Variants in OR2Z1 observed in about 807,000 individuals in gnomAD.
OR2Z1 encodes olfactory receptor family 2 subfamily Z member 1.
For missense variants in OR2Z1, 449 were observed against 401.8 expected, an observed-to-expected ratio of 1.12 and a Z score of -1.00; for synonymous variants, 188 against 160.6, an observed-to-expected ratio of 1.17 and a Z score of -1.29.
intron 2 of OR2Z1, among the ~76,000 whole-genome samples, chr19:8,726,151 G>C (rs2043326418): frequency 6.6e-6 from 1 of 152,166 alleles, no homozygotes; most frequent in Admixed American, 6.5e-5. Flanking sequence ...ATTTTTAGTA[G>C]AGACAGGGTT....
intron 2 of OR2Z1, among the ~76,000 whole-genome samples, chr19:8,724,977 C>T (rs543803774): frequency 2.6e-4 from 40 of 152,262 alleles, no homozygotes; most frequent in Non-Finnish European, 8.8e-5. Context: ...CTGGAACAAC[C>T]TTCCCTCTTC....
chr19:8,724,197 TC>T lies in OR2Z1; in HGVS notation c.-170+1051del, dbSNP rs2043318516. ...CACTTCTCAGATCTCTGTCTTCTCATCCCCAAAATTCATAGAGGTATTAATA... is the reference window on the plus strand; with the variant it reads ...CACTTCTCAGATCTCTGTCTTCTCATCCCAAAATTCATAGAGGTATTAATA... On this transcript the variant is annotated intron_variant, in intron 2 of 2. Coordinates refer to ENST00000641125, the MANE Select transcript of OR2Z1 (RefSeq NM_001004699.3). Among the ~76,000 whole-genome samples the T allele has an allele frequency of 2.0e-5, 3 of 151,406 alleles. No homozygotes were observed. In the Admixed American group the frequency reaches 2.0e-4, roughly 10 times the overall value.
At chr19:8,728,414 C>A (rs1224939174) in intron 2 of OR2Z1, among the ~76,000 whole-genome samples, 1 of 152,158 alleles carries the variant, frequency 6.6e-6, no homozygotes, top group Admixed American at 6.5e-5. Flanking sequence ...CAGGCCGCTG[C>A]TCTCCCATCC....
chr19:8,730,422 C>T (rs1318630449), intron 2 of OR2Z1, among the ~76,000 whole-genome samples: 1 of 150,164 alleles, frequency 6.7e-6, no homozygotes, highest in Non-Finnish European at 1.5e-5. Flanking sequence ...TTAACTTGAA[C>T]CGCATTTTTT....
intron 2 of OR2Z1, among the ~76,000 whole-genome samples, chr19:8,730,654 G>A (rs1217789029): frequency 2.6e-5 from 4 of 152,040 alleles, no homozygotes; most frequent in Non-Finnish European, 4.4e-5. Flanking sequence ...TCCTGACCTC[G>A]TGATCCACCT....
chr19:8,724,248 A>G (rs2043318877), intron 2 of OR2Z1, among the ~76,000 whole-genome samples: 1 of 150,752 alleles, frequency 6.6e-6, no homozygotes, highest in African/African-American at 2.4e-5. Flanking sequence ...TTTTTAATTG[A>G]GAGAGGGTCT....
rs781991724 is a variant in OR2Z1, at chr19:8,731,337, C to T, written c.309C>T (p.Phe103=). Residue 103 remains phenylalanine (F), a synonymous_variant, in exon 3 of 3, where the codon TTC becomes TTT. Transcript: ENST00000641125. The part of the protein sequence containing the change: ...SYGGGAAQIF[F]LTLMGVAEGV... ...GAGGTGGTGCAGCTCAAATATTCTTCCTCACACTGATGGGTGTGGCTGAGG... is the reference window on the plus strand; with the variant it reads ...GAGGTGGTGCAGCTCAAATATTCTTTCTCACACTGATGGGTGTGGCTGAGG... The T allele has an allele frequency of 6.2e-7, 1 of 1,614,100 alleles. No individual in the cohort carries two copies. The highest frequency in any genetic ancestry group is 1.7e-5 in the Admixed American group (1 of 60,014).
chr19:8,728,583 T>C (rs1028379796), intron 2 of OR2Z1, among the ~76,000 whole-genome samples: 1 of 152,240 alleles, frequency 6.6e-6, no homozygotes, highest in Non-Finnish European at 1.5e-5. Flanking sequence ...GGGGTACATA[T>C]GCAAGGTGTG....
At position 8,732,012 on chromosome 19, in the gene OR2Z1, A is replaced by G; in HGVS notation, c.*39A>G. 1 of 1,483,920 alleles carries G rather than the reference A, an allele frequency of 6.7e-7. No homozygotes were observed. Among genetic ancestry groups the G allele is most frequent in the Non-Finnish European group, 9.3e-7 (1 of 1,079,734 alleles). 91.9% of individuals were successfully genotyped at this position (1,483,920 alleles called of 1,614,324 possible). ...GCTGGTGAGATTCCAGCGGTCCTCG[A>G]TCCCACCCACCTTCCCAAAGTATGC... On this transcript the variant is annotated 3_prime_UTR_variant, in exon 3 of 3. Transcript: ENST00000641125.
At chr19:8,727,488 G>A (rs548323098) in intron 2 of OR2Z1, among the ~76,000 whole-genome samples, 17 of 152,232 alleles carry the variant, frequency 1.1e-4, no homozygotes, top group African/African-American at 4.1e-4. Context: ...ACACCAACAT[G>A]GCGCATGTAT....
Position 8,732,089 on chromosome 19 carries a change from C to T in OR2Z1, c.*116C>T. Reference sequence around the variant, plus strand: ...CAACTGGCCAAATATCCAGCCATTGCCCAAGGTGCAACTTTTTGAGAAAAT... The same window carrying T: ...CAACTGGCCAAATATCCAGCCATTGTCCAAGGTGCAACTTTTTGAGAAAAT... On this transcript the variant is annotated 3_prime_UTR_variant, in exon 3 of 3. Transcript: ENST00000641125. The T allele has an allele frequency of 1.3e-6, 1 of 765,784 alleles. No individual in the cohort carries two copies. The highest frequency in any genetic ancestry group is 2.6e-5 in the East Asian group (1 of 38,930). The allele number at this position is 765,784 out of a possible 1,614,324, so 47.4% of individuals were successfully genotyped here. A position where few individuals can be genotyped will look rare whatever the true frequency, so the allele number is the denominator to read the frequency against.
In OR2Z1 at chr19:8,732,080, C is replaced by T. The variant is rs2043360807; in HGVS notation, c.*107C>T. On this transcript the variant is annotated 3_prime_UTR_variant, in exon 3 of 3. Coordinates refer to ENST00000641125, the MANE Select transcript of OR2Z1 (RefSeq NM_001004699.3). ...CAATTTGTGCAACTGGCCAAATATC[C>T]AGCCATTGCCCAAGGTGCAACTTTT... 2 of 826,026 alleles carry T rather than the reference C, an allele frequency of 2.4e-6. No individual in the cohort carries two copies. Among genetic ancestry groups the T allele is most frequent in the Non-Finnish European group, 3.9e-6 (2 of 518,194 alleles). 51.2% of individuals were successfully genotyped at this position (826,026 alleles called of 1,614,324 possible).
intron 2 of OR2Z1, among the ~76,000 whole-genome samples, chr19:8,727,033 C>T (rs1056739949): frequency 6.6e-6 from 1 of 152,138 alleles, no homozygotes; most frequent in Non-Finnish European, 1.5e-5. Context: ...CCTCAGCCTG[C>T]TGGGCTCAAG....
In OR2Z1 at chr19:8,731,196, C is replaced by T. The variant is rs28324; in HGVS notation, c.168C>T (p.His56=). ...LFLIRVDSRL[H]TPMYFLLSQL... ...TGATCCGTGTGGACTCCCGGCTCCA[C>T]ACACCCATGTACTTCCTGCTCAGCC... is the stretch of plus-strand genomic sequence containing the variant. Residue 56 remains histidine (H), a synonymous_variant, in exon 3 of 3, where the codon CAC becomes CAT. Coordinates refer to ENST00000641125, the MANE Select transcript of OR2Z1 (RefSeq NM_001004699.3). 0.37 allele frequency: 595,330 copies of T among 1,613,788 alleles called. 116,567 individuals carry two copies. The highest frequency in any genetic ancestry group is 0.56 in the South Asian group (51,090 of 91,056).
Position 8,731,569 on chromosome 19 carries a change from G to A in OR2Z1, c.541G>A (p.Val181Met), listed in dbSNP as rs1309241430. ...SRIVDHFFCE[V>M]PALLKLSCAD... Reference sequence around the variant, plus strand: ...TATTGTGGATCACTTCTTCTGTGAGGTGCCAGCCCTACTGAAGCTCTCCTG... The same window carrying A: ...TATTGTGGATCACTTCTTCTGTGAGATGCCAGCCCTACTGAAGCTCTCCTG... Residue 181 changes from valine (V) to methionine (M), a missense_variant, in exon 3 of 3, where the codon GTG (valine) becomes ATG (methionine). By Grantham distance (21) the Val-to-Met change is conservative. Transcript: ENST00000641125. The A allele has an allele frequency of 1.9e-6, 3 of 1,613,890 alleles. No individual in the cohort carries two copies. Among genetic ancestry groups the A allele is most frequent in the Non-Finnish European group, 2.5e-6 (3 of 1,180,018 alleles).
At position 8,731,865 on chromosome 19, in the gene OR2Z1, C is replaced by G; in HGVS notation, c.837C>G (p.Ser279Arg). ...QQDNVVSLFY[S>R]LVTPTLNPLI... Reference sequence around the variant, plus strand: ...ATAACGTGGTTTCCCTCTTCTATAGCCTTGTCACCCCTACACTCAACCCCC... The same window carrying G: ...ATAACGTGGTTTCCCTCTTCTATAGGCTTGTCACCCCTACACTCAACCCCC... Residue 279 changes from serine to arginine, a missense_variant, in exon 3 of 3, where the codon AGC (serine) becomes AGG (arginine). By Grantham distance (110) the Ser-to-Arg change is moderately radical. Coordinates refer to ENST00000641125, the MANE Select transcript of OR2Z1 (RefSeq NM_001004699.3). 1.2e-6 allele frequency: 2 copies of G among 1,614,172 alleles called. No homozygotes were observed. Among genetic ancestry groups the G allele is most frequent in the Non-Finnish European group, 1.7e-6 (2 of 1,180,036 alleles).
chr19:8,724,368 C>T (rs962479527), intron 2 of OR2Z1, among the ~76,000 whole-genome samples: 17 of 151,998 alleles, frequency 1.1e-4, no homozygotes, highest in African/African-American at 4.1e-4. Flanking sequence ...CCCAAGTAGC[C>T]GGGACTATAA....
At chr19:8,723,575 C>T in intron 2 of OR2Z1, among the ~76,000 whole-genome samples, 1 of 152,084 alleles carries the variant, frequency 6.6e-6, no homozygotes, top group East Asian at 1.9e-4. Flanking sequence ...CAATGAGGCA[C>T]TCCATTTCAT....
chr19:8,727,042 A>G (rs2043330407), intron 2 of OR2Z1, among the ~76,000 whole-genome samples: 1 of 152,136 alleles, frequency 6.6e-6, no homozygotes, highest in South Asian at 2.1e-4. Flanking sequence ...GCTGGGCTCA[A>G]GCAATCCTCT....
Sources: gnomAD v4.1 joint callset for allele counts (sites outside exome capture counted in the v4.1 genomes callset) on GRCh38, gnomAD v4.1.1 for gene constraint, MANE v1.5 for transcripts, NCBI Gene and HGNC (gene_info 2026-07-23, HGNC 2026-07-21) for gene names.